Variants in GRAP2 observed in about 807,000 individuals in gnomAD.
GRAP2 encodes the protein GRB2 related adaptor protein 2.
In GRAP2, 31 loss-of-function variants were observed where a neutral mutation model predicts 43.5. The observed-to-expected ratio is 0.71, with a 90% CI of 0.54 to 0.96. The LOEUF (loss-of-function observed/expected upper bound fraction) is 0.96. GRAP2 is among the 40% of genes least tolerant of loss of function. GRAP2 has a pLI of 0.00. For missense variants in GRAP2, 371 were observed against 424.4 expected (o/e 0.87, Z 1.11); for synonymous variants, 156 against 164.8 (o/e 0.95, Z 0.41).
intron 6 of GRAP2, 110 bp from the exon 7 acceptor site, chr22:39,969,301 T>C (rs1482219434): frequency 8.3e-7 from 1 of 1,207,508 alleles, no homozygotes; most frequent in Non-Finnish European, 1.2e-6. Flanking sequence ...TATCAGTAAG[T>C]ATTCCTGGAA....
chr22:39,953,549 C>T (rs1474152630), intron 2 of GRAP2, among the ~76,000 whole-genome samples: 3 of 152,130 alleles, frequency 2.0e-5, no homozygotes, highest in Non-Finnish European at 4.4e-5. Flanking sequence ...GTTTTTCTGC[C>T]GACTTTAGCC....
chr22:39,897,252 C>A (rs1047320529), upstream of GRAP2, among the ~76,000 whole-genome samples: 1 of 152,136 alleles, frequency 6.6e-6, no homozygotes, highest in African/African-American at 2.4e-5. Flanking sequence ...AGGCCATGAA[C>A]CTGGGAGTCA....
intron 1 of GRAP2, among the ~76,000 whole-genome samples, chr22:39,924,191 A>G (rs2066677924): frequency 6.6e-6 from 1 of 152,218 alleles, no homozygotes; most frequent in Non-Finnish European, 1.5e-5. Flanking sequence ...TTCTGGATGA[A>G]CTTTAAGCTC....
upstream of GRAP2, among the ~76,000 whole-genome samples, chr22:39,896,409 A>G (rs2066466632): frequency 6.6e-6 from 1 of 152,182 alleles, no homozygotes; most frequent in Non-Finnish European, 1.5e-5. Flanking sequence ...TGGGGTGACC[A>G]AGTAAATGAC....
intron 1 of GRAP2, among the ~76,000 whole-genome samples, chr22:39,910,941 G>T (rs1436032821): frequency 6.6e-6 from 1 of 152,108 alleles, no homozygotes; most frequent in Non-Finnish European, 1.5e-5. Flanking sequence ...GAACTTCATT[G>T]TCTCTTTCCT....
At chr22:39,905,540 C>T (rs151031810) in intron 1 of GRAP2, among the ~76,000 whole-genome samples, 41 of 152,080 alleles carry the variant, frequency 2.7e-4, no homozygotes, top group Admixed American at 1.3e-3. Context: ...GTGCCTATCT[C>T]GTGGGATTGT....
At chr22:39,894,103 A>G in the GRAP2 span, among the ~76,000 whole-genome samples, 1 of 152,136 alleles carries the variant, frequency 6.6e-6, no homozygotes, top group Non-Finnish European at 1.5e-5. Context: ...AAAGAAAAAA[A>G]ATGCCAAGGT....
At chr22:39,959,860 A>C (rs1007332596) in intron 3 of GRAP2, among the ~76,000 whole-genome samples, 195 bp from the exon 4 acceptor site, 5 of 152,172 alleles carry the variant, frequency 3.3e-5, no homozygotes, top group Non-Finnish European at 7.4e-5. Flanking sequence ...AGGGTGAATC[A>C]AGGGGAATGC....
intron 3 of GRAP2, among the ~76,000 whole-genome samples, chr22:39,958,932 A>G (rs1428748543): frequency 2.0e-5 from 3 of 152,098 alleles, no homozygotes; most frequent in African/African-American, 7.2e-5. Flanking sequence ...CCAGTGGGGG[A>G]CTCAGTCTCC....
chr22:39,969,687 G>A (rs556455300), intron 7 of GRAP2, among the ~76,000 whole-genome samples, 154 bp downstream of exon 7: 1 of 152,300 alleles, frequency 6.6e-6, no homozygotes, highest in Non-Finnish European at 1.5e-5. Flanking sequence ...GCCAAGGCAG[G>A]TGGATCACCT....
chr22:39,963,970 C>T, intron 4 of GRAP2: 2 of 161,886 alleles, frequency 1.2e-5, no homozygotes, highest in Non-Finnish European at 2.7e-5. Context: ...GAGCAGAGAT[C>T]ACGCCACTGC....
chr22:39,920,445 G>C (rs760980746), intron 1 of GRAP2, among the ~76,000 whole-genome samples: 6 of 152,122 alleles, frequency 3.9e-5, no homozygotes, highest in Non-Finnish European at 7.3e-5. Context: ...CCCTTCTCAC[G>C]GGGCTCCTGC....
At chr22:39,895,549 A>G in the GRAP2 span, among the ~76,000 whole-genome samples, 1 of 152,236 alleles carries the variant, frequency 6.6e-6, no homozygotes, top group African/African-American at 2.4e-5. Context: ...CAAGTATTTT[A>G]TACATTGAGG....
At chr22:39,953,595 G>C (rs1056911998) in intron 2 of GRAP2, among the ~76,000 whole-genome samples, 1 of 152,106 alleles carries the variant, frequency 6.6e-6, no homozygotes, top group Non-Finnish European at 1.5e-5. Flanking sequence ...CTCTGATACA[G>C]AGCTCTGTCG....
At chr22:39,934,630 C>T (rs1158233519) in intron 1 of GRAP2, among the ~76,000 whole-genome samples, 3 of 152,148 alleles carry the variant, frequency 2.0e-5, no homozygotes, top group South Asian at 4.2e-4. Flanking sequence ...TCAAGAAACC[C>T]GTTGCAGAGG....
In GRAP2 at chr22:39,951,202, C is replaced by T. The variant is rs113516014; in HGVS notation, c.78+4018C>T. Among the ~76,000 whole-genome samples, 423 of 152,294 alleles carry T rather than the reference C, an allele frequency of 2.8e-3. 1 individual carries two copies. Among genetic ancestry groups the T allele is most frequent in the Non-Finnish European group, 4.6e-3 (313 of 68,030 alleles). ...TGACTTGATCCTGCTTCTCCTATGA[C>T]GGAAACATTTGGAAACTCAGGAATC... On this transcript the variant is annotated intron_variant, in intron 2 of 7. Coordinates refer to ENST00000344138, the MANE Select transcript of GRAP2 (RefSeq NM_004810.4).
intron 1 of GRAP2, among the ~76,000 whole-genome samples, chr22:39,932,863 T>C (rs2066770231): frequency 6.6e-6 from 1 of 152,212 alleles, no homozygotes; most frequent in African/African-American, 2.4e-5. Flanking sequence ...TTATCATCCC[T>C]GTTTTTAAAA....
At chr22:39,910,178 G>A (rs778242292) in intron 1 of GRAP2, among the ~76,000 whole-genome samples, 6 of 152,114 alleles carry the variant, frequency 3.9e-5, no homozygotes, top group Admixed American at 1.3e-4. Context: ...CCTAAGTCAC[G>A]GGACTCAGAA....
At chr22:39,948,696 A>G (rs1235840747) in intron 2 of GRAP2, among the ~76,000 whole-genome samples, 3 of 152,058 alleles carry the variant, frequency 2.0e-5, no homozygotes, top group East Asian at 1.9e-4. Context: ...TCCCTGCAAC[A>G]TTCTCTTGAA....
Sources: allele counts gnomAD v4.1 joint callset (sites outside exome capture counted in the v4.1 genomes callset), GRCh38; gene constraint gnomAD v4.1.1; transcripts MANE v1.5; gene names NCBI Gene and HGNC (gene_info 2026-07-23, HGNC 2026-07-21).